RNF208: variants seen among roughly 807,000 people sequenced by gnomAD.
RNF208 encodes ring finger protein 208.
RNF208 carries 7 observed loss-of-function variants against 15.2 expected under a neutral mutation model. That is an observed-to-expected ratio of 0.46 (90% confidence interval 0.26 to 0.86). The LOEUF (loss-of-function observed/expected upper bound fraction) is 0.86. Ranked by LOEUF, RNF208 falls within the 40% of genes least tolerant of loss-of-function variation. RNF208 has a pLI of 0.16. For synonymous variants in RNF208, 211 were observed against 163.2 expected (o/e 1.29, Z -2.23); for missense variants, 342 against 364.1 (o/e 0.94, Z 0.49).
chr9:137,222,840 C>A (rs1272343490), upstream of RNF208, among the ~76,000 whole-genome samples: 1 of 152,236 alleles, frequency 6.6e-6, no homozygotes, highest in African/African-American at 2.4e-5. Context: ...GACAGGGTGG[C>A]CCCTGGCACT....
chr9:137,220,890 G>A lies in RNF208; in HGVS notation c.323C>T (p.Pro108Leu), dbSNP rs1835854404. 2 of 1,578,538 alleles carry A rather than the reference G, an allele frequency of 1.3e-6. No individual in the cohort carries two copies. The highest frequency in any genetic ancestry group is 4.5e-5 in the East Asian group (2 of 44,380). The change falls in exon 2 of 2, where the codon CCC becomes CTC. Residue 108 changes from proline to leucine, a missense_variant. By Grantham distance (98) the Pro-to-Leu change is moderately conservative (BLOSUM62 -3). This residue lies in a region of RNF208 where 207 missense variants were observed against 193.7 expected (regional missense o/e 1.07). Coordinates refer to ENST00000391553, the MANE Select transcript of RNF208 (RefSeq NM_031297.7). ...GACCTCATCCTCTGGGGCCACGCGG[G>A]GAAAGCCCAGCTCCGAGCTTCCCTT... ...PRKGSSELGF[P>L]RVAPEDEVIV...
upstream of RNF208, among the ~76,000 whole-genome samples, chr9:137,223,063 C>G (rs1417194850): frequency 1.3e-5 from 2 of 152,272 alleles, no homozygotes; most frequent in Non-Finnish European, 2.9e-5. Flanking sequence ...CTCCGCTGGA[C>G]TGGCCAGACC....
In RNF208 at chr9:137,221,242, G is replaced by T; in HGVS notation, c.-30C>A. On this transcript the variant is annotated 5_prime_UTR_variant, in exon 2 of 2. Transcript: ENST00000391553. ...CTGTCTCCAGTCAGACTGGATGTTC[G>T]GGTGGGTGGGGGCGTTGTGTGGGGC... 3 of 1,408,714 alleles carry T rather than the reference G, an allele frequency of 2.1e-6. No homozygotes were observed. Among genetic ancestry groups the T allele is most frequent in the Non-Finnish European group, 2.8e-6 (3 of 1,074,658 alleles). The allele number at this position is 1,408,714 out of a possible 1,614,324, so 87.3% of individuals were successfully genotyped here.
chr9:137,222,640 C>A (rs1835889255), upstream of RNF208, among the ~76,000 whole-genome samples: 1 of 152,266 alleles, frequency 6.6e-6, no homozygotes, highest in Non-Finnish European at 1.5e-5. Context: ...GGCCCCGAGT[C>A]CTCCAGCTCC....
chr9:137,220,951 C>T lies in RNF208; in HGVS notation c.262G>A (p.Ala88Thr). The part of the protein sequence containing the change: ...CGGDMPALEG[A>T]PHTPPLPRRP... The stretch of plus-strand genomic sequence containing the variant: ...CGTGGCAGTGGCGGGGTATGGGGTG[C>T]CCCTTCCAAGGCAGGCATGTCCCCC... The change falls in exon 2 of 2, where the codon GCA (alanine) becomes ACA (threonine). Residue 88 changes from alanine to threonine, a missense_variant. Around this residue, in one of 3 missense-constraint regions of RNF208, gnomAD observed 207 missense variants for 193.7 expected, o/e 1.07. Coordinates refer to ENST00000391553, the MANE Select transcript of RNF208 (RefSeq NM_031297.7). 1.9e-6 allele frequency: 3 copies of T among 1,541,040 alleles called. No individual in the cohort carries two copies. The highest frequency in any genetic ancestry group is 1.4e-5 in the African/African-American group (1 of 73,902).
upstream of RNF208, among the ~76,000 whole-genome samples, chr9:137,222,590 C>A (rs1381472559): frequency 6.6e-6 from 1 of 152,168 alleles, no homozygotes; most frequent in Non-Finnish European, 1.5e-5. Flanking sequence ...CAGGGCCCAC[C>A]GGTGCCTTCC....
chr9:137,221,942 G>A (rs955746590), intron 1 of RNF208, among the ~76,000 whole-genome samples, 47 bp downstream of exon 1: 8 of 151,994 alleles, frequency 5.3e-5, no homozygotes, highest in African/African-American at 1.4e-4. Flanking sequence ...CCCGTCGCGT[G>A]GGGAGGGGCG....
At position 137,220,443 on chromosome 9, in the gene RNF208, G is replaced by A; in HGVS notation, c.770C>T (p.Ala257Val). The A allele has an allele frequency of 6.3e-7, 1 of 1,589,262 alleles. No individual in the cohort carries two copies. The highest frequency in any genetic ancestry group is 8.6e-7 in the Non-Finnish European group (1 of 1,166,602). The change falls in exon 2 of 2, where the codon GCC (alanine) becomes GTC (valine). Residue 257 changes from alanine (A) to valine (V), a missense_variant. Physicochemically the swap from Ala to Val is moderately conservative, Grantham distance 64. This residue lies in a region of RNF208 where 59 missense variants were observed against 52.4 expected (regional missense o/e 1.13). Coordinates refer to ENST00000391553, the MANE Select transcript of RNF208 (RefSeq NM_031297.7). Reference protein sequence around the residue: ...CTCHVRNPLSACSIM With the variant: ...CTCHVRNPLSVCSIM ...CAGGCGCTACTACATGATGGAGCAG[G>A]CGGACAGTGGGTTCCGCACGTGGCA...
At chr9:137,221,888 G>A (rs117537816) in intron 1 of RNF208, among the ~76,000 whole-genome samples, 101 bp downstream of exon 1, 15,629 of 151,650 alleles carry the variant, frequency 0.1, 912 homozygotes, top group Middle Eastern at 0.22. Context: ...CCCCCTCCCC[G>A]GTCCCCGCCT....
chr9:137,220,286 TG>T lies in RNF208; in HGVS notation c.*140del. On this transcript the variant is annotated 3_prime_UTR_variant, in exon 2 of 2. Transcript: ENST00000391553. ...TGGCAAAGAGTTTTAATGGCAAAGTTGGCTGCAGCGACAATGCCACTCGGGG... is the reference window on the plus strand; with the variant it reads ...TGGCAAAGAGTTTTAATGGCAAAGTTGCTGCAGCGACAATGCCACTCGGGG... 1 of 912,892 alleles carries T rather than the reference TG, an allele frequency of 1.1e-6. No individual in the cohort carries two copies. The highest frequency in any genetic ancestry group is 1.6e-6 in the Non-Finnish European group (1 of 622,192). The allele number at this position is 912,892 out of a possible 1,614,324, so 56.5% of individuals were successfully genotyped here. A position where few individuals can be genotyped will look rare whatever the true frequency, so the allele number is the denominator to read the frequency against.
Position 137,220,311 on chromosome 9 carries a change from G to C in RNF208, c.*116C>G. Reference sequence around the variant, plus strand: ...TGGCTGCAGCGACAATGCCACTCGGGGTGGGGCCGGAAGCCATGGTGGGGA... The same window carrying C: ...TGGCTGCAGCGACAATGCCACTCGGCGTGGGGCCGGAAGCCATGGTGGGGA... On this transcript the variant is annotated 3_prime_UTR_variant, in exon 2 of 2. Coordinates refer to ENST00000391553, the MANE Select transcript of RNF208 (RefSeq NM_031297.7). 1.7e-6 allele frequency: 2 copies of C among 1,155,888 alleles called. No individual in the cohort carries two copies. Among genetic ancestry groups the C allele is most frequent in the Non-Finnish European group, 1.2e-6 (1 of 841,622 alleles). The allele number at this position is 1,155,888 out of a possible 1,614,324, so 71.6% of individuals were successfully genotyped here. A position where few individuals can be genotyped will look rare whatever the true frequency, so the allele number is the denominator to read the frequency against.
upstream of RNF208, among the ~76,000 whole-genome samples, chr9:137,222,465 C>CT (rs1835886756): frequency 6.6e-6 from 1 of 151,962 alleles, no homozygotes; most frequent in African/African-American, 2.4e-5. Flanking sequence ...CAAGCCCCCG[C>CT]CCCCCCAGAT....
Position 137,221,200 on chromosome 9 carries a change from G to T in RNF208, c.13C>A (p.Pro5Thr). The change falls in exon 2 of 2, where the codon CCC (proline) becomes ACC (threonine). Residue 5 changes from proline to threonine, a missense_variant. Physicochemically the swap from Pro to Thr is conservative, Grantham distance 38. Around this residue, in one of 3 missense-constraint regions of RNF208, gnomAD observed 207 missense variants for 193.7 expected, o/e 1.07. Coordinates refer to ENST00000391553, the MANE Select transcript of RNF208 (RefSeq NM_031297.7). MPSD[P>T]GPEAGSGWPG... ...CAGCCACTGCCCGCCTCGGGCCCGG[G>T]GTCAGAGGGCATCCGGCTGTCTCCA... 2 of 1,504,268 alleles carry T rather than the reference G, an allele frequency of 1.3e-6. No homozygotes were observed. The highest frequency in any genetic ancestry group is 2.3e-5 in the East Asian group (1 of 42,832). 93.2% of individuals were successfully genotyped at this position (1,504,268 alleles called of 1,614,324 possible).
At chr9:137,222,832 C>G (rs1321804717), upstream of RNF208, among the ~76,000 whole-genome samples, 2 of 152,208 alleles carry the variant, frequency 1.3e-5, no homozygotes, top group African/African-American at 2.4e-5. Flanking sequence ...CCTGCCCGGA[C>G]AGGGTGGCCC....
intron 1 of RNF208, among the ~76,000 whole-genome samples, 85 bp from the exon 2 acceptor site, chr9:137,221,823 C>T (rs1458047494): frequency 6.6e-6 from 1 of 152,120 alleles, no homozygotes; most frequent in Admixed American, 6.5e-5. Flanking sequence ...GGCGCCCGAC[C>T]TCTGACCCTG....
chr9:137,220,368 G>C lies in RNF208; in HGVS notation c.*59C>G, dbSNP rs1007721799. The C allele has an allele frequency of 3.4e-6, 5 of 1,474,594 alleles. No homozygotes were observed. The highest frequency in any genetic ancestry group is 1.3e-5 in the South Asian group (1 of 75,170). 91.3% of individuals were successfully genotyped at this position (1,474,594 alleles called of 1,614,324 possible). A position where few individuals can be genotyped will look rare whatever the true frequency, so the allele number is the denominator to read the frequency against. ...GGTCAGCGGGCGGCAGGGCAGGGCC[G>C]GGTCCCTGAAGAAGCAGCGAGCGAG... On this transcript the variant is annotated 3_prime_UTR_variant, in exon 2 of 2. Coordinates refer to ENST00000391553, the MANE Select transcript of RNF208 (RefSeq NM_031297.7).
rs1380429753 is a variant in RNF208 at position 137,220,439 on chromosome 9, G to A, written c.774C>T (p.Cys258=). The A allele has an allele frequency of 6.3e-7, 1 of 1,586,256 alleles. No homozygotes were observed. Residue 258 remains cysteine, a synonymous_variant, in exon 2 of 2, where the codon TGC becomes TGT. Transcript: ENST00000391553. ...CAGGCAGGCGCTACTACATGATGGAGCAGGCGGACAGTGGGTTCCGCACGT... is the reference window on the plus strand; with the variant it reads ...CAGGCAGGCGCTACTACATGATGGAACAGGCGGACAGTGGGTTCCGCACGT... ...TCHVRNPLSA[C]SIM
At position 137,220,818 on chromosome 9, in the gene RNF208, G is replaced by C. The variant is rs1416909773; in HGVS notation, c.395C>G (p.Ala132Gly). Residue 132 changes from alanine (A) to glycine (G), a missense_variant, in exon 2 of 2, where the codon GCT (alanine) becomes GGT (glycine). Ala to Gly is a moderately conservative substitution (Grantham distance 60). This residue lies in a region of RNF208 where 207 missense variants were observed against 193.7 expected (regional missense o/e 1.07). Transcript: ENST00000391553. ...VIRPGPSASA[A>G]SSAAAGEPLE... ...GGGCTCGCCTGCCGCCGCCGAAGAA[G>C]CCGCCGAGGCCGAGGGGCCAGGCCG... 1.2e-6 allele frequency: 2 copies of C among 1,607,736 alleles called. No individual in the cohort carries two copies. The highest frequency in any genetic ancestry group is 1.3e-5 in the African/African-American group (1 of 74,608).
At chr9:137,222,719 G>A (rs1002346914), upstream of RNF208, among the ~76,000 whole-genome samples, 1 of 152,268 alleles carries the variant, frequency 6.6e-6, no homozygotes, top group Non-Finnish European at 1.5e-5. Flanking sequence ...GGCGGGCGGA[G>A]CGGATCAGAA....
Sources: allele counts gnomAD v4.1 joint callset (sites outside exome capture counted in the v4.1 genomes callset), GRCh38; gene constraint gnomAD v4.1.1; regional missense constraint gnomAD v4.1.1; transcripts MANE v1.5; gene names NCBI Gene and HGNC (gene_info 2026-07-23, HGNC 2026-07-21).